TANC2: variants seen among roughly 807,000 people sequenced by gnomAD.
TANC2 encodes tetratricopeptide repeat, ankyrin repeat and coiled-coil containing 2, also known as protein TANC2.
Under a neutral mutation model 210.5 loss-of-function variants are expected in TANC2, and 26 were observed. The observed-to-expected ratio is 0.12, with a 90% CI of 0.09 to 0.17. The LOEUF (loss-of-function observed/expected upper bound fraction) is 0.17, where lower values mean the gene tolerates loss of function less well. Ranked by LOEUF, TANC2 falls within the 10% of genes least tolerant of loss-of-function variation. The pLI is 1.00. For missense variants in TANC2, 2,129 were observed against 2,608.9 expected, an observed-to-expected ratio of 0.82 and a Z score of 4.01; for synonymous variants, 931 against 967.1, an observed-to-expected ratio of 0.96 and a Z score of 0.69.
chr17:63,035,384 G>T (rs929214883), intron 2 of TANC2, among the ~76,000 whole-genome samples: 1 of 152,124 alleles, frequency 6.6e-6, no homozygotes, highest in Non-Finnish European at 1.5e-5. Context: ...TGTGTGACTC[G>T]CTTTATTGCG....
rs1380054331 is a variant in TANC2, at chr17:63,411,507, G to A, written c.3590-4G>A. The A allele has an allele frequency of 1.2e-6, 2 of 1,606,144 alleles. No homozygotes were observed. The highest frequency in any genetic ancestry group is 1.7e-6 in the Non-Finnish European group (2 of 1,176,062). Reference sequence around the variant, plus strand: ...CAGCCCTGTGCTATCACTTGCCTTTGCAGGTGCCTCCATTGCTCTTATGGA... The same window carrying A: ...CAGCCCTGTGCTATCACTTGCCTTTACAGGTGCCTCCATTGCTCTTATGGA... On this transcript the variant is annotated splice_region_variant and splice_polypyrimidine_tract_variant and intron_variant, in intron 21 of 27. Coordinates refer to ENST00000689528, the Ensembl canonical transcript of TANC2.
intron 17 of TANC2, among the ~76,000 whole-genome samples, chr17:63,394,473 C>T (rs997121123): frequency 6.6e-6 from 1 of 152,166 alleles, no homozygotes; most frequent in Non-Finnish European, 1.5e-5. Flanking sequence ...TTTATCCATT[C>T]GCTTAGTTTT....
At chr17:63,334,489 C>T (rs2045961375) in intron 11 of TANC2, among the ~76,000 whole-genome samples, 1 of 152,118 alleles carries the variant, frequency 6.6e-6, no homozygotes, top group Non-Finnish European at 1.5e-5. Context: ...TAAGGGAGAA[C>T]TCTTTCTTCC....
intron 11 of TANC2, among the ~76,000 whole-genome samples, chr17:63,328,187 T>G (rs903653804): frequency 2.0e-5 from 3 of 152,102 alleles, no homozygotes; most frequent in Non-Finnish European, 4.4e-5. Flanking sequence ...GGGGCTCACT[T>G]GAGGGTGGAA....
chr17:63,254,328 T>G (rs1387904539), intron 8 of TANC2, among the ~76,000 whole-genome samples: 2 of 152,358 alleles, frequency 1.3e-5, no homozygotes, highest in African/African-American at 4.8e-5. Context: ...ATGTTGATTT[T>G]GTATCCTGCT....
intron 14 of TANC2, 65 bp downstream of exon 14, chr17:63,355,455 T>C: frequency 1.4e-6 from 2 of 1,437,468 alleles, no homozygotes; most frequent in Non-Finnish European, 1.8e-6. Context: ...GGAGTGTGAG[T>C]ATTGAAAGTA....
intron 8 of TANC2, among the ~76,000 whole-genome samples, chr17:63,267,367 G>T (rs2043560354): frequency 2.0e-5 from 3 of 151,942 alleles, no homozygotes. Context: ...CTAGCATTTT[G>T]TTTTTCATTT....
intron 2 of TANC2, among the ~76,000 whole-genome samples, chr17:63,047,283 G>T (rs901280382): frequency 1.3e-5 from 2 of 152,144 alleles, no homozygotes; most frequent in Admixed American, 6.6e-5. Flanking sequence ...TATAGATCGT[G>T]TTCAATTTTA....
At chr17:63,324,220 G>A (rs2045577116) in intron 11 of TANC2, among the ~76,000 whole-genome samples, 1 of 152,122 alleles carries the variant, frequency 6.6e-6, no homozygotes, top group East Asian at 1.9e-4. Flanking sequence ...GTTCATTAGA[G>A]AAAACAGCTA....
intron 3 of TANC2, among the ~76,000 whole-genome samples, chr17:63,091,668 G>T (rs2037199843): frequency 6.6e-6 from 1 of 152,072 alleles, no homozygotes; most frequent in Non-Finnish European, 1.5e-5. Flanking sequence ...TTGTTCTTTT[G>T]GCTTAGGATT....
chr17:63,230,228 A>G (rs1371301146), intron 7 of TANC2, among the ~76,000 whole-genome samples: 2 of 152,140 alleles, frequency 1.3e-5, no homozygotes, highest in Admixed American at 6.6e-5. Context: ...TTTCAAAAAA[A>G]CAGCTCCTGG....
At chr17:63,183,078 T>A (rs913806408) in intron 5 of TANC2, among the ~76,000 whole-genome samples, 1 of 152,252 alleles carries the variant, frequency 6.6e-6, no homozygotes, top group Non-Finnish European at 1.5e-5. Flanking sequence ...GGACCTTTTT[T>A]TTAAACTTCA....
chr17:63,111,402 C>G (rs1401493647), intron 4 of TANC2, among the ~76,000 whole-genome samples: 1 of 152,216 alleles, frequency 6.6e-6, no homozygotes, highest in Non-Finnish European at 1.5e-5. Flanking sequence ...AATAAAATCA[C>G]TACATAATTT....
intron 14 of TANC2, among the ~76,000 whole-genome samples, chr17:63,366,171 C>A (rs1229878799): frequency 6.6e-6 from 1 of 152,088 alleles, no homozygotes; most frequent in Non-Finnish European, 1.5e-5. Flanking sequence ...CAGATAGTAT[C>A]TTTTGTTCAC....
intron 4 of TANC2, among the ~76,000 whole-genome samples, chr17:63,112,538 G>A (rs1364569047): frequency 6.6e-6 from 1 of 152,170 alleles, no homozygotes; most frequent in Non-Finnish European, 1.5e-5. Flanking sequence ...AACTGATAGG[G>A]TCACACTGGT....
At chr17:63,360,118 T>G (rs1156364218) in intron 14 of TANC2, among the ~76,000 whole-genome samples, 1 of 152,212 alleles carries the variant, frequency 6.6e-6, no homozygotes, top group Non-Finnish European at 1.5e-5. Context: ...TAACAGGGCT[T>G]CTTATAGAAT....
At chr17:63,208,224 G>A (rs2041782233) in intron 7 of TANC2, among the ~76,000 whole-genome samples, 1 of 151,960 alleles carries the variant, frequency 6.6e-6, no homozygotes, top group Non-Finnish European at 1.5e-5. Context: ...CCTAGAATTG[G>A]TACAAGAGTA....
intron 2 of TANC2, among the ~76,000 whole-genome samples, chr17:63,029,637 A>G (rs1343358313): frequency 1.3e-5 from 2 of 152,102 alleles, no homozygotes; most frequent in Admixed American, 6.6e-5. Flanking sequence ...GCTGCCTCCA[A>G]TTTTGGTTCA....
chr17:63,171,243 T>G (rs2040396713), intron 5 of TANC2, among the ~76,000 whole-genome samples: 1 of 151,544 alleles, frequency 6.6e-6, no homozygotes, highest in Non-Finnish European at 1.5e-5. Context: ...CCACCACACC[T>G]GGCTAATTTT....
Sources: gnomAD v4.1 joint callset for allele counts (sites outside exome capture counted in the v4.1 genomes callset) on GRCh38, gnomAD v4.1.1 for gene constraint, MANE v1.5 for transcripts, NCBI Gene and HGNC (gene_info 2026-07-23, HGNC 2026-07-21) for gene names.